The following ESRRG variants were observed in gnomAD, a reference collection of about 807,000 sequenced individuals.
ESRRG encodes estrogen-related receptor gamma.
A neutral mutation model predicts 44.0 loss-of-function variants in ESRRG; 13 were observed. The observed-to-expected ratio is 0.30, with a 90% confidence interval of 0.19 to 0.47. The LOEUF (loss-of-function observed/expected upper bound fraction) is 0.47, where lower values mean the gene tolerates loss of function less well. Ranked by LOEUF, ESRRG falls within the 20% of genes least tolerant of loss-of-function variation. ESRRG has a pLI of 1.00. For missense variants in ESRRG, 395 were observed against 580.6 expected (o/e 0.68, Z 3.29); for synonymous variants, 215 against 214.6 (o/e 1.00, Z -0.02).
intron 1 of ESRRG, among the ~76,000 whole-genome samples, chr1:217,064,713 T>C (rs1294194504): frequency 6.6e-6 from 1 of 152,164 alleles, no homozygotes. Context: ...CTTGCACTAA[T>C]AAATTTCAAG....
intron 2 of ESRRG, among the ~76,000 whole-genome samples, chr1:216,847,832 G>A (rs957494784): frequency 3.9e-5 from 6 of 152,170 alleles, no homozygotes; most frequent in Non-Finnish European, 7.4e-5. Flanking sequence ...ACACAGTGGC[G>A]GTGGCTATGC....
At chr1:216,622,731 T>A (rs1261305214) in intron 3 of ESRRG, among the ~76,000 whole-genome samples, 1 of 152,136 alleles carries the variant, frequency 6.6e-6, no homozygotes, top group African/African-American at 2.4e-5. Context: ...AAGCTCAGAA[T>A]TTTCCTGAAG....
At chr1:216,555,257 A>T (rs534155532) in intron 5 of ESRRG, among the ~76,000 whole-genome samples, 3 of 152,204 alleles carry the variant, frequency 2.0e-5, no homozygotes, top group African/African-American at 7.2e-5. Context: ...GTGATCCAAA[A>T]TTATTTCAAA....
intron 1 of ESRRG, among the ~76,000 whole-genome samples, chr1:216,712,289 C>A (rs569791612): frequency 2.4e-4 from 36 of 152,116 alleles, no homozygotes; most frequent in Non-Finnish European, 3.7e-4. Context: ...AACGGAAGAG[C>A]AAATGCTTCA....
intron 2 of ESRRG, among the ~76,000 whole-genome samples, chr1:216,655,982 T>TA (rs1454656169): frequency 2.6e-5 from 4 of 152,306 alleles, no homozygotes; most frequent in African/African-American, 9.6e-5. Flanking sequence ...GTAACAATGT[T>TA]ACGTCTATTT....
chr1:217,092,679 C>A (rs2092366062), upstream of ESRRG, among the ~76,000 whole-genome samples: 1 of 152,200 alleles, frequency 6.6e-6, no homozygotes, highest in African/African-American at 2.4e-5. Flanking sequence ...CTTTCAACTC[C>A]CTCTTCACTT....
At chr1:217,038,824 G>T (rs1281524295) in intron 1 of ESRRG, among the ~76,000 whole-genome samples, 1 of 152,196 alleles carries the variant, frequency 6.6e-6, no homozygotes, top group East Asian at 1.9e-4. Flanking sequence ...CCCAGAAAAT[G>T]GGATTTTCCT....
intron 2 of ESRRG, among the ~76,000 whole-genome samples, chr1:216,736,074 G>C (rs1341230821): frequency 9.1e-6 from 1 of 109,768 alleles, no homozygotes; most frequent in African/African-American, 3.5e-5. Flanking sequence ...GATGAGAACA[G>C]GGGGGGAGTT....
intron 3 of ESRRG, among the ~76,000 whole-genome samples, chr1:216,572,191 C>T (rs1389115487): frequency 2.0e-5 from 3 of 151,958 alleles, no homozygotes; most frequent in Non-Finnish European, 4.4e-5. Flanking sequence ...AATGTTTGAA[C>T]CAAAATCCTA....
chr1:216,723,307 C>A lies in ESRRG; in HGVS notation c.-8G>T. On this transcript the variant is annotated 5_prime_UTR_variant, in exon 1 of 7. Transcript: ENST00000408911. ...AAGTTCTACCGAATCCATGTGCGACCGGCAACCATTATTTGTGCACCCCAG... is the reference window on the plus strand; with the variant it reads ...AAGTTCTACCGAATCCATGTGCGACAGGCAACCATTATTTGTGCACCCCAG... The A allele has an allele frequency of 2.5e-6, 4 of 1,613,870 alleles. No individual in the cohort carries two copies. Among genetic ancestry groups the A allele is most frequent in the Non-Finnish European group, 3.4e-6 (4 of 1,179,872 alleles).
intron 1 of ESRRG, among the ~76,000 whole-genome samples, chr1:217,116,025 A>C (rs1466796090): frequency 1.3e-5 from 2 of 152,204 alleles, no homozygotes; most frequent in African/African-American, 2.4e-5. Flanking sequence ...ATATTTCACA[A>C]GGGTAATTTT....
In ESRRG at chr1:216,836,079, C is replaced by T. The variant is rs928204906; in HGVS notation, c.-14+103503G>A. ...GCTTGTGCAGAGTGAGGGACACAGCCGATGCTGCGATTTCAAAAAAAAAAA... is the reference window on the plus strand; with the variant it reads ...GCTTGTGCAGAGTGAGGGACACAGCTGATGCTGCGATTTCAAAAAAAAAAA... On this transcript the variant is annotated intron_variant, in intron 2 of 7. Transcript: ENST00000359162. 2.1e-5 allele frequency among the ~76,000 whole-genome samples: 3 copies of T among 140,472 alleles called. No homozygotes were observed. The Admixed American group carries it at 2.3e-4, about 11-fold the overall frequency. 92.2% of individuals were successfully genotyped at this position (140,472 alleles called of 152,430 possible).
intron 1 of ESRRG, among the ~76,000 whole-genome samples, chr1:217,033,286 C>T (rs1220232377): frequency 2.0e-5 from 3 of 152,190 alleles, no homozygotes; most frequent in Admixed American, 6.5e-5. Flanking sequence ...TCCACCTATG[C>T]TAAACTCACA....
intron 2 of ESRRG, among the ~76,000 whole-genome samples, chr1:216,767,771 A>G (rs2093156181): frequency 1.3e-5 from 2 of 152,142 alleles, no homozygotes; most frequent in South Asian, 4.1e-4. Context: ...AAACTTAAGT[A>G]TGCATTTGCT....
chr1:216,732,046 G>C (rs1034615935), intron 2 of ESRRG, among the ~76,000 whole-genome samples: 2 of 148,832 alleles, frequency 1.3e-5, no homozygotes, highest in African/African-American at 2.5e-5. Context: ...GGACAGAAAA[G>C]TTAGCTGTTT....
intron 3 of ESRRG, among the ~76,000 whole-genome samples, chr1:216,646,383 A>T (rs1249016451): frequency 6.6e-6 from 1 of 152,146 alleles, no homozygotes; most frequent in Non-Finnish European, 1.5e-5. Context: ...CATGTACTAG[A>T]CCCTGTATCT....
chr1:217,130,990 T>G (rs1244935376), intron 1 of ESRRG, among the ~76,000 whole-genome samples: 2 of 152,216 alleles, frequency 1.3e-5, no homozygotes, highest in Non-Finnish European at 2.9e-5. Context: ...TTTTCTGAAT[T>G]GTAAACTCCC....
At chr1:217,042,301 G>T (rs974422087) in intron 1 of ESRRG, among the ~76,000 whole-genome samples, 7 of 152,110 alleles carry the variant, frequency 4.6e-5, no homozygotes, top group Middle Eastern at 3.2e-3. Flanking sequence ...CCACTAGGGT[G>T]GCATTTCAAA....
intron 1 of ESRRG, among the ~76,000 whole-genome samples, chr1:216,980,191 A>C (rs536493768): frequency 6.6e-6 from 1 of 152,266 alleles, no homozygotes; most frequent in East Asian, 1.9e-4. Flanking sequence ...CTTGCGTTCC[A>C]TGTTGCACCA....
Sources: allele counts gnomAD v4.1 joint callset (sites outside exome capture counted in the v4.1 genomes callset), GRCh38; gene constraint gnomAD v4.1.1; transcripts MANE v1.5; gene names NCBI Gene and HGNC (gene_info 2026-07-23, HGNC 2026-07-21).